The following SCN11A variants were observed in gnomAD, a reference collection of about 807,000 sequenced individuals.
The protein encoded by SCN11A is sodium channel protein type 11 subunit alpha.
A neutral mutation model predicts 162.2 loss-of-function variants in SCN11A; 122 were observed. That is an observed-to-expected ratio of 0.75 (90% CI 0.65 to 0.87). The LOEUF (loss-of-function observed/expected upper bound fraction) is 0.87. Ranked by LOEUF, SCN11A falls within the 40% of genes least tolerant of loss-of-function variation. The pLI is 0.00. For synonymous variants in SCN11A, 758 were observed against 751.5 expected (o/e 1.01, Z -0.14); for missense variants, 2,015 against 2,181.6 (o/e 0.92, Z 1.52).
intron 3 of SCN11A, among the ~76,000 whole-genome samples, chr3:38,956,796 A>C (rs1158927658): frequency 6.6e-6 from 1 of 152,224 alleles, no homozygotes; most frequent in Non-Finnish European, 1.5e-5. Flanking sequence ...TACAAGCTGA[A>C]GTCGGAGAGA....
Position 39,047,457 on chromosome 3 carries a change from A to G in SCN11A, c.-404+4404T>C, listed in dbSNP as rs1003295516. Among the ~76,000 whole-genome samples the G allele has an allele frequency of 2.0e-5, 3 of 152,290 alleles. No homozygotes were observed. The East Asian group carries it at 5.8e-4, about 29-fold the overall frequency. On this transcript the variant is annotated intron_variant, in intron 1 of 29. Transcript: ENST00000302328. ...TAATACAGGAGAAATGCTTCAGGAC[A>G]TTGGCCTGGGCAAAGATTTTATGGA...
chr3:38,974,021 A>C (rs2066832680), intron 2 of SCN11A, among the ~76,000 whole-genome samples: 1 of 152,250 alleles, frequency 6.6e-6, no homozygotes. Flanking sequence ...CCTTACAATC[A>C]AAGTCACAAA....
At position 38,895,412 on chromosome 3, in the gene SCN11A, A is replaced by G. The variant is rs551662201; in HGVS notation, c.2404-448T>C. On this transcript the variant is annotated intron_variant, in intron 18 of 29. Coordinates refer to ENST00000302328, the MANE Select transcript of SCN11A (RefSeq NM_001349253.2). ...ATATTTGTGAGATGATGTACTTTAC[A>G]GTTTCTTTAGGTCCTGTTGCCCTAA... Among the ~76,000 whole-genome samples, 10 of 152,328 alleles carry G rather than the reference A, an allele frequency of 6.6e-5. No individual in the cohort carries two copies. The South Asian group carries it at 1.9e-3, about 28-fold the overall frequency.
chr3:38,920,427 T>C lies in SCN11A; in HGVS notation c.893-426A>G, dbSNP rs775156026. Among the ~76,000 whole-genome samples the C allele has an allele frequency of 3.8e-4, 58 of 152,162 alleles. 1 individual carries two copies. The highest frequency in any genetic ancestry group is 6.5e-5 in the Admixed American group (1 of 15,272). On this transcript the variant is annotated intron_variant, in intron 10 of 29. Coordinates refer to ENST00000302328, the MANE Select transcript of SCN11A (RefSeq NM_001349253.2). ...AGTGTTGTTGGCCGGGCATGGTGGC[T>C]CACGCCTGTAATCCCAGCACTTTGG...
chr3:38,868,417 G>T (rs981327560), intron 26 of SCN11A, among the ~76,000 whole-genome samples: 1 of 152,232 alleles, frequency 6.6e-6, no homozygotes, highest in African/African-American at 2.4e-5. Context: ...GTAATGGAAA[G>T]AATATTTAGC....
chr3:38,970,694 GATTGTT>G (rs1258268479), intron 2 of SCN11A, among the ~76,000 whole-genome samples: 1 of 152,154 alleles, frequency 6.6e-6, no homozygotes, highest in Admixed American at 6.5e-5. Flanking sequence ...GGGCAATCCA[GATTGTT>G]AGCCTCTAGG....
intron 7 of SCN11A, among the ~76,000 whole-genome samples, chr3:38,934,295 G>A (rs1338093385): frequency 3.3e-5 from 5 of 152,178 alleles, no homozygotes; most frequent in East Asian, 1.9e-4. Context: ...GACCATTGAG[G>A]CTAGGAAGAA....
chr3:38,977,860 CT>C (rs2066858545), intron 2 of SCN11A, among the ~76,000 whole-genome samples: 1 of 152,206 alleles, frequency 6.6e-6, no homozygotes, highest in African/African-American at 2.4e-5. Context: ...GGACTTTTCT[CT>C]TCTTGCCACC....
chr3:38,899,679 G>A (rs2065664177), intron 17 of SCN11A, among the ~76,000 whole-genome samples: 1 of 152,178 alleles, frequency 6.6e-6, no homozygotes, highest in Non-Finnish European at 1.5e-5. Flanking sequence ...TCTCTGGCAG[G>A]AATGGGCTAA....
At chr3:39,036,972 G>C (rs1033113498) in intron 1 of SCN11A, among the ~76,000 whole-genome samples, 2 of 152,128 alleles carry the variant, frequency 1.3e-5, no homozygotes, top group African/African-American at 2.4e-5. Flanking sequence ...CCCACTGCTA[G>C]GTATATAGCC....
At chr3:38,918,414 A>C (rs1439715075) in intron 11 of SCN11A, among the ~76,000 whole-genome samples, 1 of 152,178 alleles carries the variant, frequency 6.6e-6, no homozygotes, top group Non-Finnish European at 1.5e-5. Context: ...TAAGCATTAG[A>C]TTTTCATAAG....
intron 19 of SCN11A, among the ~76,000 whole-genome samples, chr3:38,888,165 C>T (rs1182023029): frequency 3.9e-5 from 6 of 152,274 alleles, no homozygotes; most frequent in East Asian, 1.9e-4. Context: ...TCGCAGCAAA[C>T]GCTTATGATT....
chr3:38,862,659 T>C (rs1276121831), intron 28 of SCN11A, among the ~76,000 whole-genome samples: 1 of 152,166 alleles, frequency 6.6e-6, no homozygotes, highest in African/African-American at 2.4e-5. Context: ...TCAAGTATTG[T>C]ATGTTCTCAC....
intron 2 of SCN11A, among the ~76,000 whole-genome samples, chr3:38,976,798 G>C (rs908613003): frequency 6.6e-6 from 1 of 151,922 alleles, no homozygotes; most frequent in African/African-American, 2.4e-5. Context: ...AATTCTTCTT[G>C]CTCATCATGC....
At chr3:38,873,427 T>G (rs920288441) in intron 23 of SCN11A, among the ~76,000 whole-genome samples, 1 of 152,184 alleles carries the variant, frequency 6.6e-6, no homozygotes, top group Non-Finnish European at 1.5e-5. Context: ...GACAGAATAT[T>G]AAGATTTTGA....
chr3:38,995,647 A>G (rs527488309), intron 2 of SCN11A, among the ~76,000 whole-genome samples: 2 of 152,266 alleles, frequency 1.3e-5, no homozygotes, highest in Admixed American at 6.5e-5. Flanking sequence ...CTCTTGGACT[A>G]GAATTTACAG....
At chr3:38,983,371 G>C (rs1251199433) in intron 2 of SCN11A, among the ~76,000 whole-genome samples, 1 of 152,166 alleles carries the variant, frequency 6.6e-6, no homozygotes, top group Non-Finnish European at 1.5e-5. Flanking sequence ...ACAGGCTTTG[G>C]GAGCTGAGGA....
chr3:38,895,548 GT>G (rs2065582671), intron 18 of SCN11A, among the ~76,000 whole-genome samples: 1 of 152,156 alleles, frequency 6.6e-6, no homozygotes, highest in African/African-American at 2.4e-5. Context: ...TCCTACCTGG[GT>G]TCTTTGCTCA....
intron 2 of SCN11A, among the ~76,000 whole-genome samples, chr3:38,977,526 C>A (rs2066856569): frequency 6.6e-6 from 1 of 152,200 alleles, no homozygotes; most frequent in Non-Finnish European, 1.5e-5. Context: ...TTGCTTGATA[C>A]ATCATAAGTG....
Sources: gnomAD v4.1 joint callset for allele counts (sites outside exome capture counted in the v4.1 genomes callset) on GRCh38, gnomAD v4.1.1 for gene constraint, MANE v1.5 for transcripts, NCBI Gene and HGNC (gene_info 2026-07-23, HGNC 2026-07-21) for gene names.